BABAM2: variants seen among roughly 807,000 people sequenced by gnomAD.
The protein encoded by BABAM2 is BRISC and BRCA1-A complex member 2.
Under a neutral mutation model 54.7 loss-of-function variants are expected in BABAM2, and 31 were observed. The observed-to-expected ratio is 0.57, with a 90% confidence interval of 0.43 to 0.77. BABAM2 has a LOEUF of 0.77. Ranked by LOEUF, BABAM2 falls within the 30% of genes least tolerant of loss-of-function variation. BABAM2 has a pLI of 0.00. For synonymous variants in BABAM2, 167 were observed against 162.9 expected (o/e 1.03, Z -0.19); for missense variants, 364 against 455.8 (o/e 0.80, Z 1.83).
chr2:27,918,191 C>T (rs1667114628), intron 2 of BABAM2, among the ~76,000 whole-genome samples: 1 of 152,148 alleles, frequency 6.6e-6, no homozygotes, highest in South Asian at 2.1e-4. Context: ...ACAGTCATTA[C>T]AACTATCCAT....
chr2:28,267,359 C>A (rs1222201003), intron 10 of BABAM2, among the ~76,000 whole-genome samples: 1 of 152,110 alleles, frequency 6.6e-6, no homozygotes, highest in Non-Finnish European at 1.5e-5. Context: ...GTCCCTCACT[C>A]CCCCATAAAT....
At chr2:27,959,826 G>C (rs1229484449) in intron 3 of BABAM2, among the ~76,000 whole-genome samples, 1 of 151,528 alleles carries the variant, frequency 6.6e-6, no homozygotes, top group Non-Finnish European at 1.5e-5. Context: ...ATTTTCTTTT[G>C]CTTGATTTTT....
At chr2:27,961,722 CTTTTT>C (rs5830058) in intron 3 of BABAM2, among the ~76,000 whole-genome samples, 1 of 99,088 alleles carries the variant, frequency 1.0e-5, no homozygotes, top group African/African-American at 4.0e-5. Flanking sequence ...CCTTAATTAT[CTTTTT>C]TTTTTTTTTT....
At chr2:28,042,949 A>G (rs1374651274) in intron 5 of BABAM2, among the ~76,000 whole-genome samples, 5 of 151,708 alleles carry the variant, frequency 3.3e-5, no homozygotes, top group African/African-American at 4.8e-5. Context: ...GCGTGAACCC[A>G]GGAGGTGGAG....
intron 6 of BABAM2, among the ~76,000 whole-genome samples, chr2:28,098,316 G>A (rs916015971): frequency 6.6e-6 from 1 of 151,940 alleles, no homozygotes; most frequent in African/African-American, 2.4e-5. Flanking sequence ...TTATAAATGG[G>A]GTCTTTTCTA....
intron 4 of BABAM2, among the ~76,000 whole-genome samples, chr2:28,013,694 TACACACAC>T (rs56148921): frequency 1.7e-3 from 184 of 106,032 alleles, no homozygotes; most frequent in Middle Eastern, 6.1e-3. Context: ...AAAAAGCTCT[TACACACAC>T]ACACACACAC....
intron 7 of BABAM2, among the ~76,000 whole-genome samples, chr2:28,159,323 G>T (rs987188358): frequency 5.3e-5 from 8 of 152,210 alleles, no homozygotes; most frequent in Non-Finnish European, 1.0e-4. Context: ...ACAGCATGAT[G>T]AATTTTGTAA....
At chr2:28,283,839 T>TTTC (rs1686581392) in intron 10 of BABAM2, among the ~76,000 whole-genome samples, 1 of 152,160 alleles carries the variant, frequency 6.6e-6, no homozygotes, top group South Asian at 2.1e-4. Context: ...GAGCAGTAAA[T>TTTC]GTAAGGTCCA....
chr2:28,304,301 C>A lies in BABAM2; in HGVS notation c.1088+5810C>A, dbSNP rs1219477628. ...AAACTCCTGACTTCAGGTGATCCAC[C>A]CGCCTCGGCCTCCCAAAGTGCTGGC... On this transcript the variant is annotated intron_variant, in intron 11 of 11. Transcript: ENST00000379624. This position sits in a 1 kb window ranked among gnomAD's most constrained non-coding sequence, Gnocchi z 4.0. Among the ~76,000 whole-genome samples the A allele has an allele frequency of 1.3e-5, 2 of 151,962 alleles. No homozygotes were observed. Among genetic ancestry groups the A allele is most frequent in the Non-Finnish European group, 2.9e-5 (2 of 67,972 alleles).
chr2:28,258,902 G>T (rs544189362), intron 10 of BABAM2, among the ~76,000 whole-genome samples: 1 of 141,542 alleles, frequency 7.1e-6, no homozygotes, highest in African/African-American at 2.6e-5. Context: ...TCAGCCTCCC[G>T]AGTAGCTGGG....
At chr2:28,278,876 G>A (rs1686099359) in intron 10 of BABAM2, among the ~76,000 whole-genome samples, 2 of 152,196 alleles carry the variant, frequency 1.3e-5, no homozygotes, top group Non-Finnish European at 2.9e-5. Context: ...AAAAGCATTT[G>A]CTTCAGTAAT....
rs148674193 is a variant in BABAM2 at position 28,227,449 on chromosome 2, C to T, written c.681-9753C>T. ...CCTTGTTAAGTAGTGTCTGTGTCCT[C>T]GTTACTTCCAGCCTCAGTTTTGATT... On this transcript the variant is annotated intron_variant, in intron 7 of 11. Transcript: ENST00000379624. Among the ~76,000 whole-genome samples, 62 of 152,300 alleles carry T rather than the reference C, an allele frequency of 4.1e-4. No individual in the cohort carries two copies. The East Asian group carries it at 5.8e-3, about 14-fold the overall frequency.
At chr2:28,191,552 C>T (rs1276631403) in intron 7 of BABAM2, among the ~76,000 whole-genome samples, 1 of 152,072 alleles carries the variant, frequency 6.6e-6, no homozygotes, top group Non-Finnish European at 1.5e-5. Flanking sequence ...TGGAATACGC[C>T]TCAGCAATAA....
chr2:28,117,776 G>A (rs540342989), intron 6 of BABAM2, among the ~76,000 whole-genome samples: 104 of 152,284 alleles, frequency 6.8e-4, no homozygotes, highest in African/African-American at 2.0e-3. Context: ...GGGGCTTTAC[G>A]GATTGGGGCC....
At chr2:27,933,473 A>G (rs1053670203) in intron 3 of BABAM2, among the ~76,000 whole-genome samples, 11 of 151,856 alleles carry the variant, frequency 7.2e-5, no homozygotes, top group African/African-American at 2.7e-4. Flanking sequence ...AAAAACACAT[A>G]TATATGTATG....
chr2:27,965,982 T>G (rs1368412970), intron 3 of BABAM2, among the ~76,000 whole-genome samples: 1 of 152,184 alleles, frequency 6.6e-6, no homozygotes, highest in African/African-American at 2.4e-5. Flanking sequence ...TTCTCTAGTT[T>G]TCCACAGTTT....
At chr2:28,336,209 T>C (rs1281660409) in intron 11 of BABAM2, among the ~76,000 whole-genome samples, 2 of 152,112 alleles carry the variant, frequency 1.3e-5, no homozygotes, top group Non-Finnish European at 2.9e-5. Context: ...ACAGGAGCTA[T>C]GGGAGTCACT....
At chr2:27,966,976 T>C (rs886321760) in intron 3 of BABAM2, among the ~76,000 whole-genome samples, 2 of 152,198 alleles carry the variant, frequency 1.3e-5, no homozygotes, top group Non-Finnish European at 2.9e-5. Flanking sequence ...TGTGGGGTTG[T>C]CATTTAACAG....
intron 10 of BABAM2, among the ~76,000 whole-genome samples, chr2:28,277,918 G>T (rs927768066): frequency 5.3e-5 from 8 of 152,192 alleles, no homozygotes; most frequent in Admixed American, 3.3e-4. Context: ...TACATGTGTA[G>T]AAACCCCCTC....
Sources: gnomAD v4.1 joint callset for allele counts (sites outside exome capture counted in the v4.1 genomes callset) on GRCh38, gnomAD v4.1.1 for gene constraint, Gnocchi (gnomAD v3.1) non-coding constraint, MANE v1.5 for transcripts, NCBI Gene and HGNC (gene_info 2026-07-23, HGNC 2026-07-21) for gene names.